TCEANC2: variants seen among roughly 807,000 people sequenced by gnomAD.
The protein encoded by TCEANC2 is transcription elongation factor A N-terminal and central domain containing 2, also known as transcription elongation factor A N-terminal and central domain-containing protein 2.
A neutral mutation model predicts 22.8 loss-of-function variants in TCEANC2; 20 were observed. That is an observed-to-expected ratio of 0.88 (90% CI 0.62 to 1.28). The LOEUF (loss-of-function observed/expected upper bound fraction) is 1.28. Among genes scored for constraint, TCEANC2 ranks in the 50% most tolerant of loss-of-function variants. TCEANC2 has a pLI of 0.00. For synonymous variants in TCEANC2, 84 were observed against 95.5 expected (o/e 0.88, Z 0.70); for missense variants, 251 against 249.7 (o/e 1.01, Z -0.03).
At chr1:54,063,730 C>T (rs977702536) in intron 2 of TCEANC2, among the ~76,000 whole-genome samples, 1 of 152,168 alleles carries the variant, frequency 6.6e-6, no homozygotes, top group Admixed American at 6.5e-5. Flanking sequence ...TTTCTGGCCC[C>T]AACCGTTTTG....
downstream of TCEANC2, among the ~76,000 whole-genome samples, chr1:54,110,058 T>C (rs1419262449): frequency 6.6e-6 from 1 of 152,094 alleles, no homozygotes; most frequent in African/African-American, 2.4e-5. Context: ...ATCATCAAAA[T>C]CATCAAAGCC....
At chr1:54,078,706 T>A (rs1478531557) in intron 3 of TCEANC2, among the ~76,000 whole-genome samples, 1 of 152,114 alleles carries the variant, frequency 6.6e-6, no homozygotes, top group Non-Finnish European at 1.5e-5. Context: ...CCAGGAAGTG[T>A]TTGCTTGCAA....
intron 4 of TCEANC2, chr1:54,089,802 G>T: frequency 2.6e-6 from 1 of 385,026 alleles, no homozygotes; most frequent in Non-Finnish European, 4.7e-6. Context: ...GACCTGAAGT[G>T]AATTTGCACC....
intron 3 of TCEANC2, among the ~76,000 whole-genome samples, chr1:54,081,264 C>G (rs1479000523): frequency 1.3e-5 from 2 of 152,130 alleles, no homozygotes; most frequent in African/African-American, 4.8e-5. Flanking sequence ...GGGTCTTACT[C>G]TATCATCCAG....
rs1658578083 is a variant in TCEANC2 at position 54,097,363 on chromosome 1, G to GA, written c.*892dup. The GA allele has an allele frequency of 6.6e-6, 1 of 152,042 alleles. No individual in the cohort carries two copies. The highest frequency in any genetic ancestry group is 1.5e-5 in the Non-Finnish European group (1 of 68,024). The allele number at this position is 152,042 out of a possible 1,614,324, so 9.4% of individuals were successfully genotyped here. On this transcript the variant is annotated 3_prime_UTR_variant, in exon 5 of 5. Transcript: ENST00000234827. Reference sequence around the variant, plus strand: ...TTCACTGAAAAGTGTTTTGAGTTGAGAAGGGGTACAGTTGGTGAAATTTAA... The same window carrying GA: ...TTCACTGAAAAGTGTTTTGAGTTGAGAAAGGGGTACAGTTGGTGAAATTTAA...
At chr1:54,095,310 G>C (rs981742760) in intron 4 of TCEANC2, among the ~76,000 whole-genome samples, 2 of 152,292 alleles carry the variant, frequency 1.3e-5, no homozygotes, top group Admixed American at 6.5e-5. Flanking sequence ...TTTCCGTAGG[G>C]AAAGGTGTGC....
intron 2 of TCEANC2, among the ~76,000 whole-genome samples, chr1:54,058,908 G>A (rs1466159902): frequency 6.6e-6 from 1 of 152,138 alleles, no homozygotes; most frequent in Non-Finnish European, 1.5e-5. Flanking sequence ...TCCCGCCTCG[G>A]CCTCCCAAAG....
intron 3 of TCEANC2, among the ~76,000 whole-genome samples, chr1:54,072,395 A>ATTTTTTTTTT (rs59248019): frequency 7.0e-6 from 1 of 143,790 alleles, no homozygotes; most frequent in African/African-American, 2.5e-5. Flanking sequence ...TCCCCCCCAA[A>ATTTTTTTTTT]TTTTTTTTTT....
At chr1:54,107,897 G>A (rs1436849312), downstream of TCEANC2, among the ~76,000 whole-genome samples, 2 of 152,150 alleles carry the variant, frequency 1.3e-5, no homozygotes, top group African/African-American at 4.8e-5. Flanking sequence ...CCCCATCTAA[G>A]TAAGAGAATA....
At chr1:54,086,172 C>T (rs1245014257) in intron 3 of TCEANC2, among the ~76,000 whole-genome samples, 3 of 152,272 alleles carry the variant, frequency 2.0e-5, no homozygotes, top group East Asian at 3.9e-4. Context: ...ATTCAACCAA[C>T]CTGCTCTCCT....
chr1:54,100,419 C>T lies in TCEANC2; in HGVS notation c.*3946C>T, dbSNP rs1261481651. On this transcript the variant is annotated 3_prime_UTR_variant, in exon 5 of 5. Transcript: ENST00000234827. Reference sequence around the variant, plus strand: ...AGCAATAAAGGAGAGATAATTTCCTCTGAGTCTGGTGAGGCAGATAGACAC... The same window carrying T: ...AGCAATAAAGGAGAGATAATTTCCTTTGAGTCTGGTGAGGCAGATAGACAC... The T allele has an allele frequency of 6.6e-6, 1 of 152,158 alleles. No individual in the cohort carries two copies. Among genetic ancestry groups the T allele is most frequent in the African/African-American group, 2.4e-5 (1 of 41,428 alleles). The allele number at this position is 152,158 out of a possible 1,614,324, so 9.4% of individuals were successfully genotyped here.
intron 3 of TCEANC2, among the ~76,000 whole-genome samples, chr1:54,085,963 G>A (rs1028695024): frequency 1.7e-4 from 26 of 151,954 alleles, no homozygotes; most frequent in Admixed American, 7.2e-4. Flanking sequence ...TGAACTCCTG[G>A]GCTCAAGTGA....
chr1:54,110,943 T>A (rs925055184), downstream of TCEANC2: 1 of 152,290 alleles, frequency 6.6e-6, no homozygotes, highest in East Asian at 1.9e-4. Flanking sequence ...CACCCCCAAG[T>A]CACTCTCTGA....
At chr1:54,095,888 C>T (rs1033370811) in intron 4 of TCEANC2, among the ~76,000 whole-genome samples, 2 of 152,118 alleles carry the variant, frequency 1.3e-5, no homozygotes, top group African/African-American at 2.4e-5. Context: ...AGGATCTAGA[C>T]CCCATGTCTC....
intron 3 of TCEANC2, among the ~76,000 whole-genome samples, chr1:54,078,357 T>C (rs1658182208): frequency 6.6e-6 from 1 of 152,126 alleles, no homozygotes. Context: ...GCACCAGAGA[T>C]GTAATGAGAA....
At position 54,102,755 on chromosome 1, in the gene TCEANC2, C is replaced by T. The variant is rs1376304399; in HGVS notation, c.*6282C>T. On this transcript the variant is annotated 3_prime_UTR_variant, in exon 5 of 5. Coordinates refer to ENST00000234827, the MANE Select transcript of TCEANC2 (RefSeq NM_153035.3). Reference sequence around the variant, plus strand: ...AAGAGAAAAAAAGCCATGCCTTATCCTTAGATAGGTCAGCTCAGTGTGTGT... The same window carrying T: ...AAGAGAAAAAAAGCCATGCCTTATCTTTAGATAGGTCAGCTCAGTGTGTGT... 1 of 152,230 alleles carries T rather than the reference C, an allele frequency of 6.6e-6. No homozygotes were observed. Among genetic ancestry groups the T allele is most frequent in the Non-Finnish European group, 1.5e-5 (1 of 68,066 alleles). 9.4% of individuals were successfully genotyped at this position (152,230 alleles called of 1,614,324 possible). A position where few individuals can be genotyped will look rare whatever the true frequency, so the allele number is the denominator to read the frequency against.
chr1:54,081,073 GCTT>G (rs1347434682), intron 3 of TCEANC2, among the ~76,000 whole-genome samples: 5 of 152,218 alleles, frequency 3.3e-5, no homozygotes, highest in Non-Finnish European at 7.4e-5. Context: ...ACCTGGTCTG[GCTT>G]CTTGTTGTTT....
downstream of TCEANC2, among the ~76,000 whole-genome samples, chr1:54,110,324 TGTG>T (rs1411994496): frequency 6.6e-6 from 1 of 152,016 alleles, no homozygotes; most frequent in Non-Finnish European, 1.5e-5. Context: ...TGGGTCTGGG[TGTG>T]GTGGCTCATG....
chr1:54,078,790 T>G (rs1658189002), intron 3 of TCEANC2, among the ~76,000 whole-genome samples: 1 of 152,140 alleles, frequency 6.6e-6, no homozygotes, highest in Admixed American at 6.5e-5. Flanking sequence ...GGAGAAAATC[T>G]ATGCTGGGGA....
Sources: allele counts gnomAD v4.1 joint callset (sites outside exome capture counted in the v4.1 genomes callset), GRCh38; gene constraint gnomAD v4.1.1; transcripts MANE v1.5; gene names NCBI Gene and HGNC (gene_info 2026-07-23, HGNC 2026-07-21).